The following PEX6 variants were observed in gnomAD, a reference collection of about 807,000 sequenced individuals.
PEX6 encodes the protein peroxisome biogenesis factor 6.
Under a neutral mutation model 85.6 loss-of-function variants are expected in PEX6, and 55 were observed. The ratio of observed to expected loss-of-function variants is 0.64; its 90% CI spans 0.52 to 0.80. The LOEUF (loss-of-function observed/expected upper bound fraction) is 0.80, where lower values mean the gene tolerates loss of function less well. Ranked by LOEUF, PEX6 falls within the 30% of genes least tolerant of loss-of-function variation. The probability of loss-of-function intolerance (pLI) is 0.00; values close to 1 mark genes in which losing one functional copy is unlikely to be tolerated. For missense variants in PEX6, 1,099 were observed against 1,260.3 expected (o/e 0.87, Z 1.94); for synonymous variants, 519 against 549.1 (o/e 0.95, Z 0.77).
rs1387899297 is a variant in PEX6 at position 42,964,691 on chromosome 6, G to A, written c.2806+99C>T. 2.6e-5 allele frequency: 40 copies of A among 1,517,766 alleles called. No individual in the cohort carries two copies. Among genetic ancestry groups the A allele is most frequent in the Non-Finnish European group, 3.6e-5 (39 of 1,095,672 alleles). The allele number at this position is 1,517,766 out of a possible 1,614,324, so 94.0% of individuals were successfully genotyped here. A position where few individuals can be genotyped will look rare whatever the true frequency, so the allele number is the denominator to read the frequency against. The stretch of plus-strand genomic sequence containing the variant: ...GCTGGCCTCAAACTCCTGGGCTCAA[G>A]CGATCCTCCCACCTCAGCCTCTCAA... On this transcript the variant is annotated intron_variant, in intron 16 of 16. Transcript: ENST00000304611. This position sits in a 1 kb window ranked among gnomAD's most constrained non-coding sequence, Gnocchi z 4.6.
At chr6:42,975,141 T>C (rs1770235618) in intron 1 of PEX6, 103 bp from the exon 2 acceptor site, 2 of 1,017,750 alleles carry the variant, frequency 2.0e-6, no homozygotes, top group Non-Finnish European at 3.1e-6. Context: ...GTCTTTCCCA[T>C]AACCACAAGG....
chr6:42,974,497 G>A lies in PEX6; in HGVS notation c.1046+378C>T, dbSNP rs368013735. The stretch of plus-strand genomic sequence containing the variant: ...TTTTGAGACGGAGTCTCGCTCTGTC[G>A]CCCAGGCTAGAGTGCAGTGGTGCGA... On this transcript the variant is annotated intron_variant, in intron 2 of 16. Transcript: ENST00000304611. Among the ~76,000 whole-genome samples the A allele has an allele frequency of 4.1e-3, 491 of 120,296 alleles. 6 individuals are homozygous for A. Among genetic ancestry groups the A allele is most frequent in the African/African-American group, 0.014 (453 of 31,826 alleles). The allele number at this position is 120,296 out of a possible 152,430, so 78.9% of individuals were successfully genotyped here.
chr6:42,966,477 A>G, intron 10 of PEX6, 30 bp from the exon 11 acceptor site: 1 of 1,614,126 alleles, frequency 6.2e-7, no homozygotes, highest in Middle Eastern at 1.6e-4. Context: ...TGGTTGGGAT[A>G]TGCTCTTGGA....
Position 42,966,625 on chromosome 6 carries a change from C to T in PEX6, c.1994G>A (p.Gly665Glu). The change falls in exon 10 of 17, where the codon GGG becomes GAG. Residue 665 changes from glycine to glutamate, a missense_variant. Physicochemically the swap from Gly to Glu is moderately conservative, Grantham distance 98. Around this residue, in one of 3 missense-constraint regions of PEX6, gnomAD observed 514 missense variants for 627.0 expected, o/e 0.82. Transcript: ENST00000304611. ...AGGAAAGCCGGCAGCACACAGCTCC[C>T]CCTCATCCTCCTCAGTCAAGCCACC... Reference protein sequence around the residue: ...LAGGLTEEDEGELCAAGFPLL... With the variant: ...LAGGLTEEDEEELCAAGFPLL... The T allele has an allele frequency of 6.2e-7, 1 of 1,614,162 alleles. No individual in the cohort carries two copies. The highest frequency in any genetic ancestry group is 8.5e-7 in the Non-Finnish European group (1 of 1,180,038).
chr6:42,972,586 C>T (rs151335772), intron 3 of PEX6, among the ~76,000 whole-genome samples: 2,847 of 152,090 alleles, frequency 0.019, 32 homozygotes, highest in South Asian at 0.028. Flanking sequence ...CTGGTTAACA[C>T]GGTGAAACCC....
intron 1 of PEX6, among the ~76,000 whole-genome samples, chr6:42,976,452 T>C (rs948771943): frequency 6.6e-6 from 1 of 152,138 alleles, no homozygotes; most frequent in African/African-American, 2.4e-5. Flanking sequence ...AACTGCCACC[T>C]CCCAGGTTCA....
At chr6:42,969,272 T>C (rs897486183) in intron 5 of PEX6, among the ~76,000 whole-genome samples, 3 of 152,112 alleles carry the variant, frequency 2.0e-5, no homozygotes, top group Non-Finnish European at 4.4e-5. Context: ...GTCTGAATGG[T>C]ATTGAGAGAC....
Position 42,964,073 on chromosome 6 carries a change from C to A in PEX6, c.*262G>T. Reference sequence around the variant, plus strand: ...CCCTCTCAGGGCCCAATCCCCAGAACCCAAGGCCCTGGCCCTCTTCCTGAG... The same window carrying A: ...CCCTCTCAGGGCCCAATCCCCAGAAACCAAGGCCCTGGCCCTCTTCCTGAG... On this transcript the variant is annotated 3_prime_UTR_variant, in exon 17 of 17. Transcript: ENST00000304611. This position sits in a 1 kb window ranked among gnomAD's most constrained non-coding sequence, Gnocchi z 4.6. 1.7e-6 allele frequency: 1 copy of A among 586,944 alleles called. No individual in the cohort carries two copies. Among genetic ancestry groups the A allele is most frequent in the Non-Finnish European group, 3.0e-6 (1 of 329,984 alleles). The allele number at this position is 586,944 out of a possible 1,614,324, so 36.4% of individuals were successfully genotyped here.
rs781710396 is a variant in PEX6, at chr6:42,968,345, C to T, written c.1633G>A (p.Ala545Thr). ...TGACGCAGCACAGCCATCACACGGG[C>T]ATCCTCACCCAGCCCATCACGGTCC... is the stretch of plus-strand genomic sequence containing the variant. ...GRDRDGLGED[A>T]RVMAVLRHLL... The change falls in exon 7 of 17, where the codon GCC (alanine) becomes ACC (threonine). Residue 545 changes from alanine (A) to threonine (T), a missense_variant. Physicochemically the swap from Ala to Thr is moderately conservative, Grantham distance 58 (BLOSUM62 0). This residue lies in a region of PEX6 where 514 missense variants were observed against 627.0 expected (regional missense o/e 0.82). Coordinates refer to ENST00000304611, the MANE Select transcript of PEX6 (RefSeq NM_000287.4). 3 of 1,614,216 alleles carry T rather than the reference C, an allele frequency of 1.9e-6. No homozygotes were observed. The highest frequency in any genetic ancestry group is 2.5e-6 in the Non-Finnish European group (3 of 1,180,048).
intron 7 of PEX6, 113 bp from the exon 8 acceptor site, chr6:42,967,676 G>T: frequency 1.1e-6 from 1 of 898,950 alleles, no homozygotes; most frequent in Non-Finnish European, 1.7e-6. Context: ...GTGCTAGGAT[G>T]GGGTAGGGAG....
At chr6:42,970,023 A>T (rs1468435124) in intron 3 of PEX6, 36 bp from the exon 4 acceptor site, 1 of 1,569,202 alleles carries the variant, frequency 6.4e-7, no homozygotes, top group African/African-American at 1.4e-5. Flanking sequence ...CCAGATCCAG[A>T]GTCCAAAAAC....
At position 42,978,845 on chromosome 6, in the gene PEX6, C is replaced by G. The variant is rs727504083; in HGVS notation, c.306G>C (p.Ala102=). The change falls in exon 1 of 17, where the codon GCG becomes GCC. Residue 102 remains alanine, a synonymous_variant. Transcript: ENST00000304611. The part of the protein sequence containing the change: ...VRARAVRRPP[A]LGWALLGTSL... ...AGGTGCCAAGCAGTGCCCAACCTAG[C>G]GCCGGGGGCCGCCGCACCGCCCGCG... 4.0e-6 allele frequency: 6 copies of G among 1,513,318 alleles called. No homozygotes were observed. Among genetic ancestry groups the G allele is most frequent in the Non-Finnish European group, 5.3e-6 (6 of 1,138,816 alleles). 93.7% of individuals were successfully genotyped at this position (1,513,318 alleles called of 1,614,324 possible).
rs1769948248 is a variant in PEX6, at chr6:42,968,885, G to A, written c.1468C>T (p.His490Tyr). ...CCAGAGACCCTCACCTTCAGTAAGT[G>A]GAGCCCAAGGTGACTACAGGCAGCA... ...VAAACSHLGLHLLKVPCSSLC... is the reference protein window; with the variant it reads ...VAAACSHLGLYLLKVPCSSLC... Residue 490 changes from histidine to tyrosine, a missense_variant, in exon 6 of 17, where the codon CAC (histidine) becomes TAC (tyrosine). His to Tyr is a moderately conservative substitution (Grantham distance 83). Coordinates refer to ENST00000304611, the MANE Select transcript of PEX6 (RefSeq NM_000287.4). 1.2e-6 allele frequency: 2 copies of A among 1,612,730 alleles called. No individual in the cohort carries two copies. Among genetic ancestry groups the A allele is most frequent in the African/African-American group, 2.7e-5 (2 of 74,902 alleles).
Position 42,965,585 on chromosome 6 carries a change from G to A in PEX6, c.2471+96C>T. The A allele has an allele frequency of 1.0e-6, 1 of 978,220 alleles. No individual in the cohort carries two copies. Among genetic ancestry groups the A allele is most frequent in the Non-Finnish European group, 1.7e-6 (1 of 600,328 alleles). The allele number at this position is 978,220 out of a possible 1,614,324, so 60.6% of individuals were successfully genotyped here. A position where few individuals can be genotyped will look rare whatever the true frequency, so the allele number is the denominator to read the frequency against. On this transcript the variant is annotated intron_variant, in intron 13 of 16. Coordinates refer to ENST00000304611, the MANE Select transcript of PEX6 (RefSeq NM_000287.4). The surrounding 1 kb of genome is among the most constrained non-coding windows in gnomAD (Gnocchi z 5.0). ...ATATTATCTCAGAACTGAAACAGCA[G>A]GAACTTCTATCTCTGGACTCTGAAG...
At position 42,977,650 on chromosome 6, in the gene PEX6, C is replaced by T. The variant is rs571237889; in HGVS notation, c.882+619G>A. Among the ~76,000 whole-genome samples the T allele has an allele frequency of 3.3e-5, 5 of 149,780 alleles. No homozygotes were observed. In the South Asian group the frequency reaches 6.4e-4, roughly 19 times the overall value. Reference sequence around the variant, plus strand: ...CAAAAATTAGCCGGGCGTCGTGGCGCGAGCCAGTAGTAGGAGGCTGAGACA... The same window carrying T: ...CAAAAATTAGCCGGGCGTCGTGGCGTGAGCCAGTAGTAGGAGGCTGAGACA... On this transcript the variant is annotated intron_variant, in intron 1 of 16. Coordinates refer to ENST00000304611, the MANE Select transcript of PEX6 (RefSeq NM_000287.4).
rs1329728783 is a variant in PEX6 at position 42,966,972 on chromosome 6, T to TTTG, written c.1885-115_1885-114insCAA. ...GTTGATGCCTTAGGTTTGTTGTTTT[T>TTTG]TTTTTTTTTTTTTTTTTGAGACGGA... On this transcript the variant is annotated intron_variant, in intron 8 of 16. Transcript: ENST00000304611. The TTTG allele has an allele frequency of 6.0e-6, 4 of 663,502 alleles. No homozygotes were observed. In the East Asian group the frequency reaches 8.2e-5, roughly 14 times the overall value. 41.1% of individuals were successfully genotyped at this position (663,502 alleles called of 1,614,324 possible).
chr6:42,975,835 T>C (rs998786115), intron 1 of PEX6, among the ~76,000 whole-genome samples: 1 of 151,606 alleles, frequency 6.6e-6, no homozygotes, highest in Non-Finnish European at 1.5e-5. Flanking sequence ...TGCCTCAGCC[T>C]CCTGAGTAGC....
chr6:42,968,836 G>T, intron 6 of PEX6, 38 bp downstream of exon 6: 1 of 1,408,818 alleles, frequency 7.1e-7, no homozygotes, highest in South Asian at 1.1e-5. Context: ...AGCTGGGGAG[G>T]GGAAGTAGCT....
intron 2 of PEX6, 123 bp from the exon 3 acceptor site, chr6:42,974,209 C>T (rs558888053): frequency 6.6e-5 from 49 of 741,484 alleles, no homozygotes; most frequent in African/African-American, 6.4e-4. Flanking sequence ...AGAGATCCCA[C>T]GCAGTTCTCC....
Sources: gnomAD v4.1 joint callset for allele counts (sites outside exome capture counted in the v4.1 genomes callset) on GRCh38, gnomAD v4.1.1 for gene constraint, gnomAD v4.1.1 regional missense constraint, Gnocchi (gnomAD v3.1) non-coding constraint, MANE v1.5 for transcripts, NCBI Gene and HGNC (gene_info 2026-07-23, HGNC 2026-07-21) for gene names.